Variants in NEDD9 observed in about 807,000 individuals in gnomAD.
NEDD9 encodes enhancer of filamentation 1.
A neutral mutation model predicts 76.6 loss-of-function variants in NEDD9; 26 were observed. That is an observed-to-expected ratio of 0.34 (90% confidence interval 0.25 to 0.47). NEDD9 has a LOEUF of 0.47. Among genes scored for constraint, NEDD9 ranks in the 20% least tolerant of loss-of-function variants. The pLI, the probability that NEDD9 is intolerant of heterozygous loss-of-function variation, is 1.00. For missense variants in NEDD9, 937 were observed against 1,058.5 expected (o/e 0.89, Z 1.59); for synonymous variants, 392 against 414.2 (o/e 0.95, Z 0.65).
chr6:11,361,474 G>T (rs1242844071), intron 1 of NEDD9, among the ~76,000 whole-genome samples: 1 of 151,994 alleles, frequency 6.6e-6, no homozygotes, highest in Non-Finnish European at 1.5e-5. Flanking sequence ...AGGGGCAGGG[G>T]GGAGGTACCA....
intron 1 of NEDD9, among the ~76,000 whole-genome samples, chr6:11,358,307 A>G (rs1192584357): frequency 1.3e-5 from 2 of 148,836 alleles, no homozygotes; most frequent in East Asian, 2.0e-4. Context: ...CGTCAGCAGC[A>G]CTGTAGGAAT....
At chr6:11,246,475 C>T (rs6904020) in intron 3 of NEDD9, among the ~76,000 whole-genome samples, 2,750 of 152,182 alleles carry the variant, frequency 0.018, 32 homozygotes, top group Non-Finnish European at 0.024. Context: ...CAGGGCAGTA[C>T]GGCCACTGTC....
At chr6:11,279,429 G>C (rs1581996078) in intron 3 of NEDD9, among the ~76,000 whole-genome samples, 1 of 152,236 alleles carries the variant, frequency 6.6e-6, no homozygotes, top group Non-Finnish European at 1.5e-5. Context: ...CCAGCGGCGC[G>C]TTCTCCTGGA....
intron 3 of NEDD9, among the ~76,000 whole-genome samples, chr6:11,256,655 G>A (rs1484462768): frequency 1.3e-5 from 2 of 152,166 alleles, no homozygotes; most frequent in South Asian, 2.1e-4. Context: ...GTAGAGACAG[G>A]GTTTCGCCAT....
At chr6:11,234,991 C>T (rs531212027), upstream of NEDD9, among the ~76,000 whole-genome samples, 2 of 152,178 alleles carry the variant, frequency 1.3e-5, no homozygotes, top group South Asian at 2.1e-4. Flanking sequence ...GGATTACAGG[C>T]GTGGGCCACT....
chr6:11,370,534 G>A lies in NEDD9; in HGVS notation c.-214+11605C>T, dbSNP rs922196704. On this transcript the variant is annotated intron_variant, in intron 1 of 3. Transcript: ENST00000397378. The surrounding 1 kb of genome is among the most constrained non-coding windows in gnomAD (Gnocchi z 4.2). ...AGGTGCACAAGGCTCTCCTCAAGCC[G>A]CCTTTTCTTCCCCTCACAATCTCCT... 6.6e-6 allele frequency among the ~76,000 whole-genome samples: 1 copy of A among 152,094 alleles called. No individual in the cohort carries two copies. Among genetic ancestry groups the A allele is most frequent in the Non-Finnish European group, 1.5e-5 (1 of 68,010 alleles).
At chr6:11,314,135 G>A (rs1476118305) in intron 2 of NEDD9, among the ~76,000 whole-genome samples, 1 of 152,178 alleles carries the variant, frequency 6.6e-6, no homozygotes, top group Non-Finnish European at 1.5e-5. Flanking sequence ...TGGACCATAT[G>A]TTGAGATTTG....
chr6:11,269,382 T>C (rs1469790561), intron 3 of NEDD9, among the ~76,000 whole-genome samples: 1 of 152,232 alleles, frequency 6.6e-6, no homozygotes, highest in Non-Finnish European at 1.5e-5. Context: ...ATTACCAGAT[T>C]TATAGTCAAT....
intron 1 of NEDD9, among the ~76,000 whole-genome samples, chr6:11,367,881 G>A (rs1762796485): frequency 1.3e-5 from 2 of 152,312 alleles, no homozygotes; most frequent in Admixed American, 6.5e-5. Flanking sequence ...TTGCAAATAA[G>A]TCCGGCAGAG....
chr6:11,271,145 C>T (rs889688983), intron 3 of NEDD9, among the ~76,000 whole-genome samples: 4 of 152,178 alleles, frequency 2.6e-5, no homozygotes, highest in Admixed American at 6.5e-5. Context: ...GTGATCCTCC[C>T]GATTTAGTGT....
chr6:11,232,214 CTCCAGTGGCTGCTG>C (rs1183559265), intron 1 of NEDD9, among the ~76,000 whole-genome samples: 2 of 152,204 alleles, frequency 1.3e-5, no homozygotes, highest in African/African-American at 4.8e-5. Context: ...ACCCTCTGAT[CTCCAGTGGCTGCTG>C]TGAAGCGGCT....
chr6:11,371,729 G>A (rs774827416), intron 1 of NEDD9, among the ~76,000 whole-genome samples: 2 of 152,110 alleles, frequency 1.3e-5, no homozygotes, highest in Middle Eastern at 3.2e-3. Context: ...GTACATCAAC[G>A]TGTGCTACAC....
chr6:11,330,859 C>G (rs990282644), intron 2 of NEDD9, among the ~76,000 whole-genome samples: 1 of 152,212 alleles, frequency 6.6e-6, no homozygotes, highest in Non-Finnish European at 1.5e-5. Flanking sequence ...GCACCCCAAG[C>G]AAGTAAGCAC....
At chr6:11,263,689 G>A (rs891953284) in intron 3 of NEDD9, among the ~76,000 whole-genome samples, 8 of 152,170 alleles carry the variant, frequency 5.3e-5, no homozygotes, top group Admixed American at 3.9e-4. Context: ...GGTGTCACAC[G>A]TGGATAGGTG....
intron 3 of NEDD9, among the ~76,000 whole-genome samples, chr6:11,272,894 T>C (rs1433593549): frequency 1.3e-5 from 2 of 152,244 alleles, no homozygotes; most frequent in Non-Finnish European, 1.5e-5. Context: ...TTTTTATATG[T>C]TCTTCATAGC....
At chr6:11,210,027 C>T (rs1049274400) in intron 2 of NEDD9, among the ~76,000 whole-genome samples, 42 of 142,630 alleles carry the variant, frequency 2.9e-4, no homozygotes, top group Admixed American at 9.0e-4. Context: ...GGTAAAACTT[C>T]GGAAGCCCAC....
chr6:11,328,743 A>G (rs1460703190), intron 2 of NEDD9: 2 of 152,186 alleles, frequency 1.3e-5, no homozygotes, highest in African/African-American at 4.8e-5. Context: ...GTTTGATTTC[A>G]TTCATTTCAG....
At chr6:11,189,699 A>G (rs1453879143) in intron 5 of NEDD9, among the ~76,000 whole-genome samples, 1 of 152,072 alleles carries the variant, frequency 6.6e-6, no homozygotes, top group African/African-American at 2.4e-5. Context: ...TCATTTTGCA[A>G]ATGAGGAAAT....
intron 2 of NEDD9, among the ~76,000 whole-genome samples, chr6:11,323,970 G>A (rs1347253384): frequency 6.6e-6 from 1 of 152,218 alleles, no homozygotes; most frequent in Non-Finnish European, 1.5e-5. Context: ...ACTCCTAGAA[G>A]ATGTCTTGTT....
Sources: allele counts gnomAD v4.1 joint callset (sites outside exome capture counted in the v4.1 genomes callset), GRCh38; gene constraint gnomAD v4.1.1; non-coding constraint Gnocchi (gnomAD v3.1); transcripts MANE v1.5; gene names NCBI Gene and HGNC (gene_info 2026-07-23, HGNC 2026-07-21).